Variants in DCN observed in about 807,000 individuals in gnomAD.
DCN encodes the protein bone proteoglycan II.
A neutral mutation model predicts 36.5 loss-of-function variants in DCN; 17 were observed. The ratio of observed to expected loss-of-function variants is 0.47; its 90% CI spans 0.32 to 0.70. The LOEUF (loss-of-function observed/expected upper bound fraction) is 0.70. Among genes scored for constraint, DCN ranks in the 30% least tolerant of loss-of-function variants. The pLI is 0.04. For synonymous variants in DCN, 163 were observed against 161.4 expected, an observed-to-expected ratio of 1.01 and a Z score of -0.07; for missense variants, 389 against 430.1, an observed-to-expected ratio of 0.90 and a Z score of 0.84.
intron 4 of DCN, among the ~76,000 whole-genome samples, chr12:91,157,772 G>A (rs1163407947): frequency 6.6e-6 from 1 of 151,916 alleles, no homozygotes; most frequent in Non-Finnish European, 1.5e-5. Context: ...GGTACTACAG[G>A]CCCCCACCAC....
chr12:91,161,382 T>A (rs1266658384), intron 3 of DCN, among the ~76,000 whole-genome samples: 2 of 152,202 alleles, frequency 1.3e-5, no homozygotes, highest in African/African-American at 4.8e-5. Flanking sequence ...GAATGTTTCA[T>A]CCTTTAAAAC....
At chr12:91,158,123 A>T (rs1448946792) in intron 4 of DCN, among the ~76,000 whole-genome samples, 173 bp downstream of exon 4, 1 of 152,110 alleles carries the variant, frequency 6.6e-6, no homozygotes, top group African/African-American at 2.4e-5. Flanking sequence ...TAAAAACATC[A>T]CTGTAAGGTC....
chr12:91,151,536 C>G, intron 7 of DCN, 118 bp downstream of exon 7: 2 of 1,104,884 alleles, frequency 1.8e-6, no homozygotes, highest in Non-Finnish European at 2.7e-6. Flanking sequence ...GAAATTCTAA[C>G]TAAGACACTC....
rs1177940047 is a variant in DCN at position 91,145,228 on chromosome 12, T to C, written c.*830A>G. On this transcript the variant is annotated 3_prime_UTR_variant, in exon 8 of 8. Transcript: ENST00000052754. The stretch of plus-strand genomic sequence containing the variant: ...ACTTACGTCTAATACATCTAGTAAT[T>C]GTAGAAATGTTCAGCCTGATTACAT... The C allele has an allele frequency of 6.6e-6, 1 of 152,234 alleles. No homozygotes were observed. The highest frequency in any genetic ancestry group is 1.5e-5 in the Non-Finnish European group (1 of 68,028). 9.4% of individuals were successfully genotyped at this position (152,234 alleles called of 1,614,324 possible).
In DCN at chr12:91,169,378, C is replaced by CTAAAAAAAA. The variant is rs71097880; in HGVS notation, c.212-4662_212-4661insTTTTTTTTA. ...CCTAGGCAACAGGGGGAGATCCTGT[C>CTAAAAAAAA]AAAAAAAAAAAAAAAAAAAAAAACC... On this transcript the variant is annotated intron_variant, in intron 2 of 7. Coordinates refer to ENST00000052754, the MANE Select transcript of DCN (RefSeq NM_001920.5). Among the ~76,000 whole-genome samples the CTAAAAAAAA allele has an allele frequency of 2.9e-3, 211 of 73,340 alleles. 30 individuals carry two copies. Among genetic ancestry groups the CTAAAAAAAA allele is most frequent in the South Asian group, 5.2e-3 (9 of 1,716 alleles). The allele number at this position is 73,340 out of a possible 152,430, so 48.1% of individuals were successfully genotyped here.
At chr12:91,172,180 TCCC>T (rs1757895144) in intron 2 of DCN, 3 of 152,242 alleles carry the variant, frequency 2.0e-5, no homozygotes, top group Non-Finnish European at 4.4e-5. Flanking sequence ...CTTTTGGTTA[TCCC>T]AATGATGAAT....
At chr12:91,182,281 A>C (rs566349036) in intron 1 of DCN, among the ~76,000 whole-genome samples, 1 of 152,070 alleles carries the variant, frequency 6.6e-6, no homozygotes, top group Non-Finnish European at 1.5e-5. Flanking sequence ...TACATTTTTT[A>C]AATATATAGG....
At chr12:91,168,632 G>A in intron 2 of DCN, among the ~76,000 whole-genome samples, 1 of 152,148 alleles carries the variant, frequency 6.6e-6, no homozygotes. Context: ...TTTCTGCCAT[G>A]TTCTGTTATA....
chr12:91,171,068 A>T (rs1464955676), intron 2 of DCN, among the ~76,000 whole-genome samples: 5 of 152,182 alleles, frequency 3.3e-5, no homozygotes, highest in African/African-American at 1.2e-4. Context: ...TTAGCATTTT[A>T]AATTATATGT....
At chr12:91,158,044 T>C (rs1278124240) in intron 4 of DCN, among the ~76,000 whole-genome samples, 1 of 152,164 alleles carries the variant, frequency 6.6e-6, no homozygotes, top group Non-Finnish European at 1.5e-5. Context: ...TCTTTGCATA[T>C]TGTGTGTGTG....
chr12:91,150,864 C>G (rs1196472314), intron 7 of DCN: 1 of 152,054 alleles, frequency 6.6e-6, no homozygotes, highest in Admixed American at 6.6e-5. Context: ...CAATGATAGA[C>G]TGGATAAAGG....
chr12:91,150,054 T>G (rs3138274), intron 7 of DCN, among the ~76,000 whole-genome samples: 2,588 of 152,220 alleles, frequency 0.017, 69 homozygotes, highest in African/African-American at 0.058. Flanking sequence ...AATGAAAAAG[T>G]AGATCCTAAA....
intron 2 of DCN, among the ~76,000 whole-genome samples, chr12:91,166,949 A>T (rs1028757176): frequency 2.0e-5 from 3 of 152,300 alleles, no homozygotes; most frequent in Admixed American, 1.3e-4. Context: ...GTTTATTTTT[A>T]AAAATGAAAA....
In DCN at chr12:91,148,721, C is replaced by CAAAAAAAAAAAAAAAAA. The variant is rs5799978; in HGVS notation, c.886-2486_886-2470dup. ...GGTGACAGAGCGAGACGCTCCGACTCAAAAAAAAAAAAAAAAAAAAAAAAA... is the reference window on the plus strand; with the variant it reads ...GGTGACAGAGCGAGACGCTCCGACTCAAAAAAAAAAAAAAAAAAAAAAAAAAAAAAAAAAAAAAAAAA... On this transcript the variant is annotated intron_variant, in intron 7 of 7. Transcript: ENST00000052754. 1.9e-3 allele frequency among the ~76,000 whole-genome samples: 93 copies of CAAAAAAAAAAAAAAAAA among 49,474 alleles called. 8 individuals are homozygous for CAAAAAAAAAAAAAAAAA. The highest frequency in any genetic ancestry group is 4.7e-3 in the African/African-American group (71 of 15,220). 32.5% of individuals were successfully genotyped at this position (49,474 alleles called of 152,430 possible).
intron 7 of DCN, among the ~76,000 whole-genome samples, chr12:91,150,109 GA>G (rs1248379415): frequency 2.6e-5 from 4 of 151,224 alleles, no homozygotes; most frequent in African/African-American, 9.7e-5. Context: ...AAATAACTTT[GA>G]AAAAAAAGAA....
At chr12:91,174,655 G>T (rs961373589) in intron 2 of DCN, among the ~76,000 whole-genome samples, 4 of 152,026 alleles carry the variant, frequency 2.6e-5, no homozygotes, top group African/African-American at 9.7e-5. Context: ...AGGAAACAAA[G>T]TTTTGAAAGT....
chr12:91,179,123 T>C (rs3138163), intron 1 of DCN: 2,584 of 159,914 alleles, frequency 0.016, 72 homozygotes, highest in African/African-American at 0.058. Flanking sequence ...CCATCTTCCA[T>C]TTTGCTGCCT....
chr12:91,180,650 T>G (rs969434872), intron 1 of DCN: 26 of 152,186 alleles, frequency 1.7e-4, no homozygotes, highest in African/African-American at 6.3e-4. Flanking sequence ...AGTTCAACAT[T>G]AAGCTTCTTC....
intron 2 of DCN, chr12:91,172,787 T>C: frequency 2.9e-6 from 2 of 700,248 alleles, no homozygotes; most frequent in Non-Finnish European, 2.6e-6. Flanking sequence ...AATCGTTCAG[T>C]GATGTGTAAA....
Sources: gnomAD v4.1 joint callset for allele counts (sites outside exome capture counted in the v4.1 genomes callset) on GRCh38, gnomAD v4.1.1 for gene constraint, MANE v1.5 for transcripts, NCBI Gene and HGNC (gene_info 2026-07-23, HGNC 2026-07-21) for gene names.